The following TMPRSS4 variants were observed in gnomAD, a reference collection of about 807,000 sequenced individuals.
The protein encoded by TMPRSS4 is transmembrane protease serine 4.
Under a neutral mutation model 56.4 loss-of-function variants are expected in TMPRSS4, and 45 were observed. The observed-to-expected ratio is 0.80, with a 90% CI of 0.63 to 1.02. The LOEUF is 1.02. Ranked by LOEUF, TMPRSS4 falls within the 50% of genes least tolerant of loss-of-function variation. The probability of loss-of-function intolerance (pLI) is 0.00; values close to 1 mark genes in which losing one functional copy is unlikely to be tolerated. For synonymous variants in TMPRSS4, 205 were observed against 211.0 expected (o/e 0.97, Z 0.25); for missense variants, 546 against 556.7 (o/e 0.98, Z 0.19).
intron 1 of TMPRSS4, among the ~76,000 whole-genome samples, chr11:118,093,324 G>C (rs1367307942): frequency 2.6e-5 from 4 of 152,210 alleles, no homozygotes. Context: ...AAAATTTCCA[G>C]CCAGAAATGT....
intron 1 of TMPRSS4, among the ~76,000 whole-genome samples, chr11:118,080,082 G>A (rs573769233): frequency 6.6e-6 from 1 of 152,322 alleles, no homozygotes; most frequent in Admixed American, 6.5e-5. Context: ...AAATGGGGCT[G>A]GGGATTGGGA....
intron 1 of TMPRSS4, among the ~76,000 whole-genome samples, chr11:118,088,570 C>T (rs1945742841): frequency 6.6e-6 from 1 of 152,220 alleles, no homozygotes; most frequent in Non-Finnish European, 1.5e-5. Flanking sequence ...ACAGCAGGAG[C>T]TTCATTCCCG....
In TMPRSS4 at chr11:118,119,470, G is replaced by A. The variant is rs1356730322; in HGVS notation, c.*1557G>A. 1.6e-6 allele frequency: 1 copy of A among 618,726 alleles called. No homozygotes were observed. Among genetic ancestry groups the A allele is most frequent in the Non-Finnish European group, 2.0e-6 (1 of 495,604 alleles). The allele number at this position is 618,726 out of a possible 1,614,324, so 38.3% of individuals were successfully genotyped here. A position where few individuals can be genotyped will look rare whatever the true frequency, so the allele number is the denominator to read the frequency against. ...TGAAAAATAAAAAACACCTTAAGTGGGCAGCATAAAAAACAGCTAATTTAG... is the reference window on the plus strand; with the variant it reads ...TGAAAAATAAAAAACACCTTAAGTGAGCAGCATAAAAAACAGCTAATTTAG... On this transcript the variant is annotated 3_prime_UTR_variant, in exon 13 of 13. Transcript: ENST00000437212.
At chr11:118,108,814 A>T (rs1391620223) in intron 6 of TMPRSS4, 42 bp from the exon 7 acceptor site, 1 of 1,611,414 alleles carries the variant, frequency 6.2e-7, no homozygotes. Flanking sequence ...CTCCCAGCTG[A>T]GGAAGAAGCT....
At position 118,118,514 on chromosome 11, in the gene TMPRSS4, T is replaced by G; in HGVS notation, c.*601T>G. On this transcript the variant is annotated 3_prime_UTR_variant, in exon 13 of 13. Coordinates refer to ENST00000437212, the MANE Select transcript of TMPRSS4 (RefSeq NM_019894.4). ...GCTGGGATGATTGAACTTTCATTCT[T>G]TGGCTTGGGGAGAAAAGAAGTCCTG... 6 of 985,568 alleles carry G rather than the reference T, an allele frequency of 6.1e-6. No individual in the cohort carries two copies. The highest frequency in any genetic ancestry group is 6.0e-6 in the Non-Finnish European group (5 of 830,060). The allele number at this position is 985,568 out of a possible 1,614,324, so 61.1% of individuals were successfully genotyped here.
Position 118,107,754 on chromosome 11 carries a change from C to T in TMPRSS4, c.441-20C>T. 6.2e-7 allele frequency: 1 copy of T among 1,608,938 alleles called. No homozygotes were observed. On this transcript the variant is annotated intron_variant, in intron 5 of 12. Coordinates refer to ENST00000437212, the MANE Select transcript of TMPRSS4 (RefSeq NM_019894.4). ...CCCCTGCCCCAGCTCACAACTCTCT[C>T]TCCCTCTTGATGTGAGCAGCAAACC...
chr11:118,078,817 A>T (rs911283907), intron 1 of TMPRSS4, among the ~76,000 whole-genome samples: 1 of 151,508 alleles, frequency 6.6e-6, no homozygotes, highest in African/African-American at 2.4e-5. Context: ...TCTTCCCGAG[A>T]CTCACCTTCT....
At position 118,118,292 on chromosome 11, in the gene TMPRSS4, G is replaced by A. The variant is rs753247160; in HGVS notation, c.*379G>A. ...TGGAGAGGAGAAGGAAAGGGTCTGC[G>A]CCAGCCCTGTCCGTCTTCACCCATC... On this transcript the variant is annotated 3_prime_UTR_variant, in exon 13 of 13. Coordinates refer to ENST00000437212, the MANE Select transcript of TMPRSS4 (RefSeq NM_019894.4). 1.2e-5 allele frequency: 13 copies of A among 1,125,060 alleles called. No homozygotes were observed. Among genetic ancestry groups the A allele is most frequent in the Admixed American group, 9.2e-5 (2 of 21,768 alleles). 69.7% of individuals were successfully genotyped at this position (1,125,060 alleles called of 1,614,324 possible).
chr11:118,103,812 C>T (rs1946855348), intron 4 of TMPRSS4, among the ~76,000 whole-genome samples: 1 of 152,180 alleles, frequency 6.6e-6, no homozygotes, highest in Admixed American at 6.5e-5. Flanking sequence ...CTGAGGCTGC[C>T]CCATGCGTGC....
chr11:118,112,753 T>C (rs377389530), intron 8 of TMPRSS4, among the ~76,000 whole-genome samples: 1 of 151,888 alleles, frequency 6.6e-6, no homozygotes, highest in African/African-American at 2.4e-5. Context: ...CACCAGATGA[T>C]GCGCCCAAGT....
chr11:118,117,961 C>T lies in TMPRSS4; in HGVS notation c.*48C>T, dbSNP rs1947649704. 6.2e-7 allele frequency: 1 copy of T among 1,612,056 alleles called. No individual in the cohort carries two copies. The highest frequency in any genetic ancestry group is 2.2e-5 in the East Asian group (1 of 44,890). On this transcript the variant is annotated 3_prime_UTR_variant, in exon 13 of 13. Transcript: ENST00000437212. ...TGGGAGCCGCTTCCTTCCTGCCCTGCCCACCTGGGGATCCCCCAAAGTCAG... is the reference window on the plus strand; with the variant it reads ...TGGGAGCCGCTTCCTTCCTGCCCTGTCCACCTGGGGATCCCCCAAAGTCAG...
At chr11:118,102,936 GC>G in intron 3 of TMPRSS4, 164 bp from the exon 4 acceptor site, 1 of 823,126 alleles carries the variant, frequency 1.2e-6, no homozygotes, top group Non-Finnish European at 1.9e-6. Context: ...AGACAAGGAA[GC>G]TGAGGCTCAG....
intron 7 of TMPRSS4, 42 bp downstream of exon 7, chr11:118,108,938 C>A: frequency 6.2e-7 from 1 of 1,604,928 alleles, no homozygotes; most frequent in Admixed American, 1.7e-5. Context: ...CCTGGGCCAG[C>A]AATGAGCAGG....
chr11:118,082,663 C>T (rs1945235534), intron 1 of TMPRSS4, among the ~76,000 whole-genome samples: 2 of 152,094 alleles, frequency 1.3e-5, no homozygotes, highest in South Asian at 4.1e-4. Flanking sequence ...CTATAATTAA[C>T]TTAGACTTTC....
intron 1 of TMPRSS4, among the ~76,000 whole-genome samples, chr11:118,093,310 A>G (rs561238853): frequency 2.0e-5 from 3 of 152,246 alleles, no homozygotes; most frequent in African/African-American, 7.2e-5. Context: ...CAAGAGGAAC[A>G]GAAAAAATTT....
chr11:118,111,210 G>A (rs753465717), intron 7 of TMPRSS4, among the ~76,000 whole-genome samples: 18 of 152,290 alleles, frequency 1.2e-4, no homozygotes, highest in Middle Eastern at 6.8e-3. Context: ...CAGGAGTTCC[G>A]GGGGTGGTGA....
At chr11:118,124,603 A>G (rs561761810), downstream of TMPRSS4, among the ~76,000 whole-genome samples, 57 of 152,340 alleles carry the variant, frequency 3.7e-4, no homozygotes, top group African/African-American at 1.3e-3. Flanking sequence ...TGATAGAACT[A>G]TAAGGAGAAA....
chr11:118,113,241 G>A (rs772294067), intron 8 of TMPRSS4, 28 bp from the exon 9 acceptor site: 1 of 1,608,948 alleles, frequency 6.2e-7, no homozygotes, highest in East Asian at 2.2e-5. Context: ...CTTGGATCAG[G>A]CCTGAACCCA....
At chr11:118,101,813 T>C (rs1225526778) in intron 3 of TMPRSS4, among the ~76,000 whole-genome samples, 1 of 152,054 alleles carries the variant, frequency 6.6e-6, no homozygotes, top group Non-Finnish European at 1.5e-5. Flanking sequence ...CCCTGAAGGA[T>C]TAAACACACT....
Sources: allele counts gnomAD v4.1 joint callset (sites outside exome capture counted in the v4.1 genomes callset), GRCh38; gene constraint gnomAD v4.1.1; transcripts MANE v1.5; gene names NCBI Gene and HGNC (gene_info 2026-07-23, HGNC 2026-07-21).